The following NPAS3 variants were observed in gnomAD, a reference collection of about 807,000 sequenced individuals.
NPAS3 encodes the protein neuronal PAS domain protein 3.
A neutral mutation model predicts 73.1 loss-of-function variants in NPAS3; 14 were observed. The ratio of observed to expected loss-of-function variants is 0.19; its 90% CI spans 0.13 to 0.30. NPAS3 has a LOEUF of 0.30. Ranked by LOEUF, NPAS3 falls within the 10% of genes least tolerant of loss-of-function variation. NPAS3 has a pLI of 1.00. For missense variants in NPAS3, 1,096 were observed against 1,250.0 expected (o/e 0.88, Z 1.86); for synonymous variants, 620 against 541.5 (o/e 1.14, Z -2.01).
chr14:33,263,180 A>G (rs2049036641), intron 3 of NPAS3, among the ~76,000 whole-genome samples: 1 of 152,204 alleles, frequency 6.6e-6, no homozygotes, highest in African/African-American at 2.4e-5. Flanking sequence ...TGTTTTAGAC[A>G]TGAAGTCCTT....
chr14:33,381,000 C>CTT (rs957426320), intron 4 of NPAS3, among the ~76,000 whole-genome samples: 6 of 142,042 alleles, frequency 4.2e-5, no homozygotes, highest in Non-Finnish European at 7.8e-5. Flanking sequence ...ACAGAAAATT[C>CTT]TTTTTTTTTT....
intron 4 of NPAS3, among the ~76,000 whole-genome samples, chr14:33,369,490 G>T (rs2045992617): frequency 6.9e-6 from 1 of 144,302 alleles, no homozygotes; most frequent in Admixed American, 7.0e-5. Context: ...TGAAAATTTA[G>T]AATGTTTACA....
In NPAS3 at chr14:33,215,257, T is replaced by C. The variant is rs138614075; in HGVS notation, c.216T>C (p.Tyr72=). ...GGGGAAAAGAAAACTTTGAGTTCTA[T>C]GAATTGGCCAAGTTGTTGCCTCTTC... Residue 72 remains tyrosine (Y), a synonymous_variant, in exon 3 of 12, where the codon TAT becomes TAC. Transcript: ENST00000356141. The C allele has an allele frequency of 8.7e-6, 14 of 1,600,490 alleles. No homozygotes were observed. In the Middle Eastern group the frequency reaches 5.0e-4, roughly 57 times the overall value.
intron 1 of NPAS3, among the ~76,000 whole-genome samples, chr14:33,011,129 A>G (rs1230486748): frequency 1.3e-5 from 2 of 152,248 alleles, no homozygotes; most frequent in African/African-American, 2.4e-5. Flanking sequence ...TTCAACCATC[A>G]TGCAGTTCAA....
At chr14:33,122,515 G>A (rs1346857818) in intron 2 of NPAS3, among the ~76,000 whole-genome samples, 3 of 152,060 alleles carry the variant, frequency 2.0e-5, no homozygotes, top group African/African-American at 7.2e-5. Context: ...GCCAAACAAA[G>A]ATCACTAAAA....
chr14:33,450,772 C>T (rs2049755872), intron 4 of NPAS3, among the ~76,000 whole-genome samples: 1 of 152,158 alleles, frequency 6.6e-6, no homozygotes, highest in African/African-American at 2.4e-5. Context: ...ACTCGACTCT[C>T]TTCATCTATT....
At chr14:33,126,225 A>T (rs575270502) in intron 2 of NPAS3, among the ~76,000 whole-genome samples, 1 of 152,260 alleles carries the variant, frequency 6.6e-6, no homozygotes, top group African/African-American at 2.4e-5. Flanking sequence ...ACCACTACTT[A>T]TCTACTTGCA....
chr14:33,201,925 C>T lies in NPAS3; in HGVS notation c.141-13257C>T, dbSNP rs77758350. Among the ~76,000 whole-genome samples, 1,230 of 152,174 alleles carry T rather than the reference C, an allele frequency of 8.1e-3. 16 individuals are homozygous for T. Among genetic ancestry groups the T allele is most frequent in the African/African-American group, 0.028 (1,171 of 41,504 alleles). ...TTACTTTAATGATTTGTTCAAAATC[C>T]GGAAATTCAGTGCTGACTTTCAATT... On this transcript the variant is annotated intron_variant, in intron 2 of 11. Coordinates refer to ENST00000356141, the Ensembl canonical transcript of NPAS3.
chr14:33,208,518 A>T lies in NPAS3; in HGVS notation c.141-6664A>T, dbSNP rs137908891. Among the ~76,000 whole-genome samples the T allele has an allele frequency of 2.0e-5, 3 of 152,282 alleles. No homozygotes were observed. The East Asian group carries it at 5.8e-4, about 29-fold the overall frequency. ...TTTACCACAAGTCAAATGGGTCAGG[A>T]TTATCCCATCAGAGTATATCTTAGT... On this transcript the variant is annotated intron_variant, in intron 2 of 11. Coordinates refer to ENST00000356141, the Ensembl canonical transcript of NPAS3.
chr14:33,426,536 T>C (rs541764005), intron 4 of NPAS3, among the ~76,000 whole-genome samples: 5 of 152,008 alleles, frequency 3.3e-5, no homozygotes, highest in Non-Finnish European at 7.4e-5. Flanking sequence ...GATAGTTTGA[T>C]TACTTTAGGG....
intron 2 of NPAS3, among the ~76,000 whole-genome samples, chr14:33,210,355 C>T (rs548698817): frequency 6.7e-6 from 1 of 150,182 alleles, no homozygotes; most frequent in Non-Finnish European, 1.5e-5. Context: ...AGCAGTAGCA[C>T]CCCTTTTTTC....
At chr14:33,121,048 C>T (rs1270871034) in intron 2 of NPAS3, among the ~76,000 whole-genome samples, 3 of 151,992 alleles carry the variant, frequency 2.0e-5, no homozygotes, top group Admixed American at 2.0e-4. Flanking sequence ...ATGTTTGAAT[C>T]CCTCTTCCTT....
rs185975849 is a variant in NPAS3, at chr14:33,728,665, C to G, written c.734-6549C>G. ...CACTCTAGTATACTAAAAGCCGTTA[C>G]CCGCTTCAGAATTGCCCTGGCACAT... is the stretch of plus-strand genomic sequence containing the variant. On this transcript the variant is annotated intron_variant, in intron 6 of 11. Coordinates refer to ENST00000356141, the Ensembl canonical transcript of NPAS3. Among the ~76,000 whole-genome samples the G allele has an allele frequency of 2.0e-4, 30 of 152,286 alleles. No homozygotes were observed. The East Asian group carries it at 5.8e-3, about 29-fold the overall frequency.
At chr14:33,718,550 G>A (rs1009229141) in intron 6 of NPAS3, among the ~76,000 whole-genome samples, 1 of 152,090 alleles carries the variant, frequency 6.6e-6, no homozygotes, top group Non-Finnish European at 1.5e-5. Context: ...TGAAGTATTA[G>A]CTCACACCTG....
intron 1 of NPAS3, among the ~76,000 whole-genome samples, chr14:32,991,762 A>C (rs2038344145): frequency 6.6e-6 from 1 of 152,010 alleles, no homozygotes; most frequent in Non-Finnish European, 1.5e-5. Context: ...ATATGATTGC[A>C]CCTCCCTTTG....
intron 2 of NPAS3, among the ~76,000 whole-genome samples, chr14:33,066,418 A>T (rs993455786): frequency 6.6e-6 from 1 of 152,168 alleles, no homozygotes; most frequent in Non-Finnish European, 1.5e-5. Context: ...AATTTATATG[A>T]TGCTTGTAGG....
chr14:33,412,960 T>C (rs1259557303), intron 4 of NPAS3, among the ~76,000 whole-genome samples: 2 of 152,214 alleles, frequency 1.3e-5, no homozygotes, highest in Non-Finnish European at 2.9e-5. Flanking sequence ...TGTGTAATTA[T>C]TAAAATATTG....
At chr14:33,363,094 GT>G (rs1372486456) in intron 3 of NPAS3, among the ~76,000 whole-genome samples, 4 of 152,142 alleles carry the variant, frequency 2.6e-5, no homozygotes, top group Non-Finnish European at 5.9e-5. Flanking sequence ...TCCTGCTTCT[GT>G]TTTGTAATGG....
Position 33,221,472 on chromosome 14 carries a change from C to T in NPAS3, c.385+6046C>T, listed in dbSNP as rs555813108. 8.9e-4 allele frequency among the ~76,000 whole-genome samples: 135 copies of T among 152,184 alleles called. 1 individual carries two copies. Among genetic ancestry groups the T allele is most frequent in the Non-Finnish European group, 1.6e-3 (112 of 68,004 alleles). On this transcript the variant is annotated intron_variant, in intron 3 of 11. Transcript: ENST00000356141. ...TCTGTAGTTTTTGTTTGCCCAAAAG[C>T]AGAAGTGGGCTCGGCATGGTGGCTC...
Sources: allele counts gnomAD v4.1 joint callset (sites outside exome capture counted in the v4.1 genomes callset), GRCh38; gene constraint gnomAD v4.1.1; transcripts MANE v1.5; gene names NCBI Gene and HGNC (gene_info 2026-07-23, HGNC 2026-07-21).